Variants in GARNL3 observed in about 807,000 individuals in gnomAD.
GARNL3 encodes GTPase-activating Rap/Ran-GAP domain-like protein 3.
GARNL3 carries 63 observed loss-of-function variants against 125.0 expected under a neutral mutation model. That is an observed-to-expected ratio of 0.50 (90% confidence interval 0.41 to 0.62). The LOEUF (loss-of-function observed/expected upper bound fraction) is 0.62. GARNL3 is among the 20% of genes least tolerant of loss of function. The pLI, the probability that GARNL3 is intolerant of heterozygous loss-of-function variation, is 0.00. For missense variants in GARNL3, 994 were observed against 1,244.0 expected (o/e 0.80, Z 3.02); for synonymous variants, 439 against 457.5 (o/e 0.96, Z 0.52).
chr9:127,241,832 A>G (rs10987579), intron 1 of GARNL3, among the ~76,000 whole-genome samples: 2 of 152,154 alleles, frequency 1.3e-5, no homozygotes, highest in Admixed American at 6.5e-5. Flanking sequence ...CAGTGGTGCA[A>G]TCTCGGCTCA....
intron 1 of GARNL3, chr9:127,243,056 C>T (rs2131170190): frequency 7.5e-7 from 1 of 1,337,450 alleles, no homozygotes; most frequent in Non-Finnish European, 9.9e-7. Context: ...CTCTTAGTGC[C>T]TTTCCCAACT....
At chr9:127,232,986 G>A (rs1026172832) in intron 1 of GARNL3, among the ~76,000 whole-genome samples, 5 of 152,166 alleles carry the variant, frequency 3.3e-5, no homozygotes, top group Admixed American at 2.0e-4. Flanking sequence ...CCAGGAGGTC[G>A]AGGTTTCAGT....
intron 17 of GARNL3, among the ~76,000 whole-genome samples, chr9:127,351,646 A>C (rs190308721): frequency 6.6e-6 from 1 of 152,300 alleles, no homozygotes; most frequent in East Asian, 1.9e-4. Context: ...GTTCCACTCT[A>C]TCCCATTAGC....
Position 127,313,566 on chromosome 9 carries a change from A to G in GARNL3, c.438+7A>G, listed in dbSNP as rs536650178. ...AATTCTTTGGAGAAAAACAGTAAGT[A>G]TATGGCTCACACTTGAAGCAAAATT... On this transcript the variant is annotated splice_region_variant and intron_variant, in intron 4 of 27. Coordinates refer to ENST00000373387, the MANE Select transcript of GARNL3 (RefSeq NM_032293.5). 14 of 1,590,336 alleles carry G rather than the reference A, an allele frequency of 8.8e-6. No homozygotes were observed. Among genetic ancestry groups the G allele is most frequent in the Non-Finnish European group, 1.2e-5 (14 of 1,158,466 alleles).
upstream of GARNL3, chr9:127,264,436 G>A: frequency 1.2e-6 from 1 of 804,180 alleles, no homozygotes. Context: ...AAATTAAAGG[G>A]GGACAGAGGG....
intron 19 of GARNL3, among the ~76,000 whole-genome samples, chr9:127,354,883 C>T (rs1350989464): frequency 6.6e-6 from 1 of 152,192 alleles, no homozygotes; most frequent in Non-Finnish European, 1.5e-5. Flanking sequence ...ACCTCCGCCT[C>T]CTGGGTTCAA....
chr9:127,390,843 G>A, intron 27 of GARNL3, 76 bp downstream of exon 27: 1 of 1,460,714 alleles, frequency 6.8e-7, no homozygotes. Context: ...CCCCTTCTGG[G>A]GATTGATAAT....
rs1328149947 is a variant in GARNL3, at chr9:127,383,423, T to C, written c.2162-15T>C. On this transcript the variant is annotated splice_polypyrimidine_tract_variant and intron_variant, in intron 22 of 27. Transcript: ENST00000373387. Reference sequence around the variant, plus strand: ...TGTCTCTAACAAAAATGAGTTGCTGTTGTTTTCATTGCAGACAGTTGCATC... The same window carrying C: ...TGTCTCTAACAAAAATGAGTTGCTGCTGTTTTCATTGCAGACAGTTGCATC... 2 of 1,549,970 alleles carry C rather than the reference T, an allele frequency of 1.3e-6. No individual in the cohort carries two copies. Among genetic ancestry groups the C allele is most frequent in the South Asian group, 2.3e-5 (2 of 85,614 alleles).
At chr9:127,228,821 G>GTTGT (rs900499074) in intron 1 of GARNL3, among the ~76,000 whole-genome samples, 4 of 151,714 alleles carry the variant, frequency 2.6e-5, no homozygotes, top group East Asian at 1.9e-4. Context: ...ATACTTTTTT[G>GTTGT]TTGTTTGTTT....
chr9:127,254,768 CAA>C (rs35993565), intron 2 of GARNL3, among the ~76,000 whole-genome samples: 8 of 90,924 alleles, frequency 8.8e-5, no homozygotes, highest in Admixed American at 1.1e-4. Flanking sequence ...GATTCTGTCT[CAA>C]AAAAAAAAAA....
intron 22 of GARNL3, among the ~76,000 whole-genome samples, chr9:127,371,459 A>T (rs1831602647): frequency 6.6e-6 from 1 of 152,174 alleles, no homozygotes; most frequent in Non-Finnish European, 1.5e-5. Flanking sequence ...CACGGAAGGA[A>T]CTGGTGCAGG....
intron 2 of GARNL3, among the ~76,000 whole-genome samples, chr9:127,251,454 T>TAAAC: frequency 6.6e-6 from 1 of 152,304 alleles, no homozygotes; most frequent in African/African-American, 2.4e-5. Context: ...GTTAGTGAAG[T>TAAAC]AAACATTTTA....
At chr9:127,241,992 G>A (rs1180754496) in intron 1 of GARNL3, among the ~76,000 whole-genome samples, 1 of 151,884 alleles carries the variant, frequency 6.6e-6, no homozygotes, top group Admixed American at 6.6e-5. Context: ...TATGCCTGCA[G>A]CCTTGGGTCT....
chr9:127,327,128 T>G (rs1331138532), intron 7 of GARNL3, among the ~76,000 whole-genome samples: 8 of 152,370 alleles, frequency 5.3e-5, no homozygotes, highest in Non-Finnish European at 8.8e-5. Context: ...ACAAATATTT[T>G]TATGTATATT....
At chr9:127,228,813 A>G (rs887834022) in intron 1 of GARNL3, among the ~76,000 whole-genome samples, 1 of 151,630 alleles carries the variant, frequency 6.6e-6, no homozygotes, top group African/African-American at 2.4e-5. Flanking sequence ...TCCTGTTTAT[A>G]CTTTTTTGTT....
intron 1 of GARNL3, among the ~76,000 whole-genome samples, chr9:127,283,903 G>A (rs1564879108): frequency 6.6e-6 from 1 of 152,122 alleles, no homozygotes. Flanking sequence ...AGAGATATAA[G>A]ACCAAATAAA....
chr9:127,359,406 C>T (rs1374927335), intron 21 of GARNL3, among the ~76,000 whole-genome samples: 1 of 152,160 alleles, frequency 6.6e-6, no homozygotes, highest in Non-Finnish European at 1.5e-5. Flanking sequence ...AAGAGAATCG[C>T]TTGAAGCCAG....
chr9:127,356,097 C>T (rs1830674796), intron 20 of GARNL3, among the ~76,000 whole-genome samples: 1 of 152,214 alleles, frequency 6.6e-6, no homozygotes, highest in Admixed American at 6.5e-5. Flanking sequence ...ATTGCAAAGA[C>T]TTCGGCCTTG....
rs2063807986 is a variant in GARNL3 at position 127,270,885 on chromosome 9, A to ACTGCAACCTCTGCCT, written c.144+5865_144+5866insTGCAACCTCTGCCTC. Among the ~76,000 whole-genome samples the ACTGCAACCTCTGCCT allele has an allele frequency of 1.4e-5, 2 of 141,202 alleles. 1 individual carries two copies. The highest frequency in any genetic ancestry group is 6.4e-5 in the African/African-American group (2 of 31,106). The allele number at this position is 141,202 out of a possible 152,430, so 92.6% of individuals were successfully genotyped here. ...TACATGGGTTACAGCTCTGTTGGCC[A>ACTGCAACCTCTGCCT]CCGTGGTCTCTTCATTCTTGGATCC... On this transcript the variant is annotated intron_variant, in intron 1 of 27. Transcript: ENST00000373387.
Sources: allele counts gnomAD v4.1 joint callset (sites outside exome capture counted in the v4.1 genomes callset), GRCh38; gene constraint gnomAD v4.1.1; transcripts MANE v1.5; gene names NCBI Gene and HGNC (gene_info 2026-07-23, HGNC 2026-07-21).